The following TNFRSF18 variants were observed in gnomAD, a reference collection of about 807,000 sequenced individuals.
TNFRSF18 encodes the protein TNF receptor superfamily member 18.
TNFRSF18 carries 36 observed loss-of-function variants against 30.2 expected under a neutral mutation model. The observed-to-expected ratio is 1.19, with a 90% confidence interval of 0.91 to 1.58. The LOEUF is 1.58. Among genes scored for constraint, TNFRSF18 ranks in the 40% most tolerant of loss-of-function variants. The pLI is 0.00. For missense variants in TNFRSF18, 369 were observed against 345.4 expected (o/e 1.07, Z -0.54); for synonymous variants, 173 against 158.3 (o/e 1.09, Z -0.70).
At position 1,204,497 on chromosome 1, in the gene TNFRSF18, G is replaced by C. The variant is rs372195289; in HGVS notation, c.311-11C>G. 8 of 1,483,054 alleles carry C rather than the reference G, an allele frequency of 5.4e-6. No homozygotes were observed. In the South Asian group the frequency reaches 6.8e-5, roughly 13 times the overall value. 91.9% of individuals were successfully genotyped at this position (1,483,054 alleles called of 1,614,324 possible). A position where few individuals can be genotyped will look rare whatever the true frequency, so the allele number is the denominator to read the frequency against. ...CAAAACTGAATTTCCCTGGTGTGGG[G>C]TGTGGGGGGAGGGAGGGAGGGAGGC... is the stretch of plus-strand genomic sequence containing the variant. On this transcript the variant is annotated splice_polypyrimidine_tract_variant and intron_variant, in intron 2 of 4. Coordinates refer to ENST00000379268, the MANE Select transcript of TNFRSF18 (RefSeq NM_004195.3).
chr1:1,204,425 G>T lies in TNFRSF18; in HGVS notation c.372C>A (p.His124Gln). The T allele has an allele frequency of 6.2e-7, 1 of 1,612,680 alleles. No homozygotes were observed. The highest frequency in any genetic ancestry group is 8.5e-7 in the Non-Finnish European group (1 of 1,179,932). Residue 124 changes from histidine (H) to glutamine (Q), a missense_variant, in exon 3 of 5, where the codon CAC (histidine) becomes CAA (glutamine). His to Gln is a conservative substitution (Grantham distance 24, BLOSUM62 0). Coordinates refer to ENST00000379268, the MANE Select transcript of TNFRSF18 (RefSeq NM_004195.3). ...CTGTCCAAGGTTTGCAGTGGCCTTCGTGGCCCCCGGAGAAGGTCCCCGAGG... is the reference window on the plus strand; with the variant it reads ...CTGTCCAAGGTTTGCAGTGGCCTTCTTGGCCCCCGGAGAAGGTCCCCGAGG... ...DCASGTFSGG[H>Q]EGHCKPWTDC... is the part of the protein sequence containing the mutation.
chr1:1,205,094 G>A (rs1648748769), intron 2 of TNFRSF18, among the ~76,000 whole-genome samples: 1 of 152,152 alleles, frequency 6.6e-6, no homozygotes. Context: ...GGGCCTGAGA[G>A]CCAGACAGCT....
chr1:1,204,711 G>A (rs1570454863), intron 2 of TNFRSF18, among the ~76,000 whole-genome samples: 1 of 152,342 alleles, frequency 6.6e-6, no homozygotes, highest in Admixed American at 6.5e-5. Context: ...GGCACCTGGG[G>A]GAGGTGCGCA....
rs991211054 is a variant in TNFRSF18 at position 1,203,563 on chromosome 1, T to G, written c.*281A>C. On this transcript the variant is annotated 3_prime_UTR_variant, in exon 5 of 5. Transcript: ENST00000379268. Reference sequence around the variant, plus strand: ...TGCAGCCGGGTCCCGTGCTGGGCACTGCACACCCACGGACACAGCCTCCCG... The same window carrying G: ...TGCAGCCGGGTCCCGTGCTGGGCACGGCACACCCACGGACACAGCCTCCCG... The G allele has an allele frequency of 6.7e-7, 1 of 1,486,650 alleles. No individual in the cohort carries two copies. Among genetic ancestry groups the G allele is most frequent in the African/African-American group, 1.4e-5 (1 of 71,104 alleles). 92.1% of individuals were successfully genotyped at this position (1,486,650 alleles called of 1,614,324 possible).
Position 1,203,644 on chromosome 1 carries a change from T to C in TNFRSF18, c.*200A>G, listed in dbSNP as rs1160058772. The C allele has an allele frequency of 6.5e-7, 1 of 1,546,348 alleles. No individual in the cohort carries two copies. Among genetic ancestry groups the C allele is most frequent in the Admixed American group, 1.9e-5 (1 of 53,282 alleles). On this transcript the variant is annotated 3_prime_UTR_variant, in exon 5 of 5. Transcript: ENST00000379268. ...AGGGAGGAAGGGGGCCATGACTGTG[T>C]CTCTCTCTCCCTCCTGCAGGGCCCA...
At chr1:1,204,329 A>T in intron 3 of TNFRSF18, 70 bp downstream of exon 3, 1 of 1,595,060 alleles carries the variant, frequency 6.3e-7, no homozygotes, top group Non-Finnish European at 8.6e-7. Flanking sequence ...GGGGCAAGGG[A>T]CAGGAGAGGA....
rs770636966 is a variant in TNFRSF18, at chr1:1,204,203, AG to A, written c.431del (p.Pro144LeufsTer23). 1 of 1,611,934 alleles carries A rather than the reference AG, an allele frequency of 6.2e-7. No individual in the cohort carries two copies. Among genetic ancestry groups the A allele is most frequent in the South Asian group, 1.1e-5 (1 of 90,934 alleles). Reference sequence around the variant, plus strand: ...ACACAGCGTTGTGGGTCTTGTTCCCAGGGAACACAGTGAGAAACCCGAACTG... The same window carrying A: ...ACACAGCGTTGTGGGTCTTGTTCCCAGGAACACAGTGAGAAACCCGAACTG... Reference protein sequence around the residue: ...CTQFGFLTVFPGNKTHNAVCV... With the variant: ...CTQFGFLTVFXGNKTHNAVCV... On this transcript the variant is annotated frameshift_variant, in exon 4 of 5. Coordinates refer to ENST00000379268, the MANE Select transcript of TNFRSF18 (RefSeq NM_004195.3). LOFTEE classifies it high-confidence loss of function.
intron 1 of TNFRSF18, 75 bp downstream of exon 1, chr1:1,206,310 A>AG: frequency 2.0e-6 from 3 of 1,481,134 alleles, no homozygotes; most frequent in Middle Eastern, 4.8e-4. Flanking sequence ...GAGCACGGGA[A>AG]GGGGGGCGCC....
rs749006156 is a variant in TNFRSF18, at chr1:1,204,407, A to T, written c.390T>A (p.Pro130=). The T allele has an allele frequency of 1.2e-6, 2 of 1,608,012 alleles. No individual in the cohort carries two copies. The highest frequency in any genetic ancestry group is 2.2e-5 in the South Asian group (2 of 90,994). The change falls in exon 3 of 5, where the codon CCT becomes CCA. Residue 130 remains proline, a synonymous_variant. Transcript: ENST00000379268. ...FSGGHEGHCK[P]WTDCTQFGFL... ...GCCCACCCAGGACTCACTCTGTCCA[A>T]GGTTTGCAGTGGCCTTCGTGGCCCC... is the stretch of plus-strand genomic sequence containing the variant.
At chr1:1,205,339 G>A (rs1418475684) in intron 2 of TNFRSF18, 31 bp downstream of exon 2, 2 of 1,602,294 alleles carry the variant, frequency 1.2e-6, no homozygotes, top group South Asian at 2.2e-5. Flanking sequence ...CCTGGCCTGT[G>A]TGGACTCCCA....
intron 1 of TNFRSF18, 67 bp downstream of exon 1, chr1:1,206,318 G>T: frequency 6.6e-7 from 1 of 1,504,154 alleles, no homozygotes; most frequent in Non-Finnish European, 8.9e-7. Context: ...GAAGGGGGGC[G>T]CCCACCCATC....
At chr1:1,206,293 C>G in intron 1 of TNFRSF18, 92 bp downstream of exon 1, 1 of 1,430,866 alleles carries the variant, frequency 7.0e-7, no homozygotes, top group East Asian at 2.6e-5. Context: ...CTCAGCAACG[C>G]CGGTCTGAGC....
In TNFRSF18 at chr1:1,205,419, C is replaced by G. The variant is rs11466689; in HGVS notation, c.261G>C (p.Thr87=). 3.1e-6 allele frequency: 5 copies of G among 1,612,498 alleles called. No homozygotes were observed. In the Admixed American group the frequency reaches 8.3e-5, roughly 27 times the overall value. The change falls in exon 2 of 5, where the codon ACG becomes ACC. Residue 87 remains threonine (T), a synonymous_variant. Coordinates refer to ENST00000379268, the MANE Select transcript of TNFRSF18 (RefSeq NM_004195.3). ...PEFHCGDPCC[T]TCRHHPCPPG... ...GGGGACAAGGGTGGTGCCGGCAGGT[C>G]GTGCAGCAAGGGTCTCCGCAGTGGA...
intron 1 of TNFRSF18, 77 bp from the exon 2 acceptor site, chr1:1,205,569 G>A: frequency 1.3e-6 from 2 of 1,510,046 alleles, no homozygotes; most frequent in East Asian, 4.6e-5. Context: ...CGGCCCTCCA[G>A]GGGAGTGAGG....
In TNFRSF18 at chr1:1,204,215, G is replaced by A; in HGVS notation, c.420C>T (p.Leu140=). ...GGGTCTTGTTCCCAGGGAACACAGTGAGAAACCCGAACTGGGTGCAGCTGG... is the reference window on the plus strand; with the variant it reads ...GGGTCTTGTTCCCAGGGAACACAGTAAGAAACCCGAACTGGGTGCAGCTGG... The part of the protein sequence containing the change: ...PWTDCTQFGF[L]TVFPGNKTHN... Residue 140 remains leucine, a synonymous_variant, in exon 4 of 5, where the codon CTC becomes CTT. Transcript: ENST00000379268. The A allele has an allele frequency of 6.2e-7, 1 of 1,611,540 alleles. No homozygotes were observed. Among genetic ancestry groups the A allele is most frequent in the Non-Finnish European group, 8.5e-7 (1 of 1,179,330 alleles).
At chr1:1,204,543 A>G (rs1173058328) in intron 2 of TNFRSF18, 57 bp from the exon 3 acceptor site, 1 of 1,414,588 alleles carries the variant, frequency 7.1e-7, no homozygotes, top group East Asian at 2.3e-5. Context: ...GCTGGGATGG[A>G]TGAGGAGGGC....
chr1:1,204,003 T>G (rs771827710), intron 4 of TNFRSF18, 31 bp downstream of exon 4: 1 of 1,607,744 alleles, frequency 6.2e-7, no homozygotes, highest in Non-Finnish European at 8.5e-7. Context: ...GCAGCCATGC[T>G]CCCACCTCCC....
In TNFRSF18 at chr1:1,203,692, G is replaced by C; in HGVS notation, c.*152C>G. ...CCAGCCGCGGCCGCCGAACTGCATG[G>C]TCCAGGGCGCTGGTCACTGCCACCT... On this transcript the variant is annotated 3_prime_UTR_variant, in exon 5 of 5. Coordinates refer to ENST00000379268, the MANE Select transcript of TNFRSF18 (RefSeq NM_004195.3). 1.9e-6 allele frequency: 3 copies of C among 1,565,322 alleles called. No individual in the cohort carries two copies. Among genetic ancestry groups the C allele is most frequent in the Non-Finnish European group, 2.6e-6 (3 of 1,161,806 alleles).
chr1:1,204,962 G>A (rs984354784), intron 2 of TNFRSF18, among the ~76,000 whole-genome samples: 8 of 152,276 alleles, frequency 5.3e-5, no homozygotes, highest in Middle Eastern at 6.8e-3. Context: ...TAAACAAGCC[G>A]CTAAGAGGAC....
Sources: allele counts gnomAD v4.1 joint callset (sites outside exome capture counted in the v4.1 genomes callset), GRCh38; gene constraint gnomAD v4.1.1; transcripts MANE v1.5; gene names NCBI Gene and HGNC (gene_info 2026-07-23, HGNC 2026-07-21).